DCLRE1C: variants seen among roughly 807,000 people sequenced by gnomAD.
DCLRE1C encodes the protein DNA cross-link repair 1C.
In DCLRE1C, 47 loss-of-function variants were observed where a neutral mutation model predicts 61.4. The ratio of observed to expected loss-of-function variants is 0.77; its 90% CI spans 0.61 to 0.98. The LOEUF (loss-of-function observed/expected upper bound fraction) is 0.98, where lower values mean the gene tolerates loss of function less well. Ranked by LOEUF, DCLRE1C falls within the 50% of genes least tolerant of loss-of-function variation. The pLI, the probability that DCLRE1C is intolerant of heterozygous loss-of-function variation, is 0.00. For synonymous variants in DCLRE1C, 337 were observed against 287.6 expected, an observed-to-expected ratio of 1.17 and a Z score of -1.74; for missense variants, 858 against 816.0, an observed-to-expected ratio of 1.05 and a Z score of -0.63.
exon 14 of DCLRE1C, chr10:14,898,997 G>A (rs1833799196): frequency 1.9e-6 from 1 of 513,208 alleles, no homozygotes; most frequent in Non-Finnish European, 3.5e-6. Flanking sequence ...TATAATGAAA[G>A]TAATGCAGTG....
At chr10:14,918,308 G>A (rs1408672305) in intron 13 of DCLRE1C, among the ~76,000 whole-genome samples, 1 of 152,190 alleles carries the variant, frequency 6.6e-6, no homozygotes, top group Non-Finnish European at 1.5e-5. Context: ...CAATAAAAGA[G>A]GGTGAACTAT....
intron 13 of DCLRE1C, chr10:14,911,392 GA>G (rs1564373446): frequency 6.6e-6 from 1 of 152,154 alleles, no homozygotes; most frequent in Non-Finnish European, 1.5e-5. Flanking sequence ...CCACATGCCA[GA>G]ACAAAGCTCA....
At chr10:14,925,225 T>TAAAAAAA (rs67477083) in intron 11 of DCLRE1C, among the ~76,000 whole-genome samples, 68 of 109,272 alleles carry the variant, frequency 6.2e-4, no homozygotes, top group East Asian at 2.7e-3. Flanking sequence ...ATAAAGGATT[T>TAAAAAAA]AAAAAAAAAA....
intron 1 of DCLRE1C, among the ~76,000 whole-genome samples, chr10:14,953,677 C>T (rs1842781865): frequency 6.6e-6 from 1 of 152,196 alleles, no homozygotes; most frequent in Admixed American, 6.5e-5. Flanking sequence ...TTGACCAAGC[C>T]GGCCCGGGGC....
intron 4 of DCLRE1C, 125 bp from the exon 5 acceptor site, chr10:14,936,718 C>T (rs963026971): frequency 9.7e-5 from 67 of 689,250 alleles, no homozygotes; most frequent in Middle Eastern, 4.8e-4. Flanking sequence ...CTCCCAATTT[C>T]CTCACACTCC....
At chr10:14,913,267 C>T (rs775297406) in intron 13 of DCLRE1C, among the ~76,000 whole-genome samples, 3 of 152,222 alleles carry the variant, frequency 2.0e-5, no homozygotes, top group Non-Finnish European at 2.9e-5. Context: ...TGGAAATAGA[C>T]ATAAAGTTTC....
At chr10:14,902,690 T>C, downstream of DCLRE1C, 1 of 480,888 alleles carries the variant, frequency 2.1e-6, no homozygotes, top group Non-Finnish European at 3.8e-6. Flanking sequence ...TCACTGGGTC[T>C]CATAGACTGA....
chr10:14,928,058 A>G lies in DCLRE1C; in HGVS notation c.875T>C (p.Met292Thr). 2 of 1,613,846 alleles carry G rather than the reference A, an allele frequency of 1.2e-6. No individual in the cohort carries two copies. Among genetic ancestry groups the G allele is most frequent in the Non-Finnish European group, 1.7e-6 (2 of 1,179,882 alleles). The change falls in exon 10 of 14, where the codon ATG becomes ACG. Residue 292 changes from methionine to threonine, a missense_variant. Met to Thr is a moderately conservative substitution (Grantham distance 81, BLOSUM62 -1). Around this residue, in one of 2 missense-constraint regions of DCLRE1C, gnomAD observed 843 missense variants for 783.5 expected, o/e 1.08. Coordinates refer to ENST00000378278, the MANE Select transcript of DCLRE1C (RefSeq NM_001033855.3). ...LHIISIKPST[M>T]WFGERSRKTN... The stretch of plus-strand genomic sequence containing the variant: ...TTTTCTGCTCCTTTCTCCAAACCAC[A>G]TGGTGGATGGCTTAATGCTGATTAT...
intron 4 of DCLRE1C, among the ~76,000 whole-genome samples, chr10:14,939,448 A>G (rs1054829161): frequency 6.6e-6 from 1 of 151,180 alleles, no homozygotes; most frequent in Admixed American, 6.6e-5. Context: ...TGTCTCAAAA[A>G]AAAAAAAGAA....
chr10:14,908,543 A>G lies in DCLRE1C; in HGVS notation c.1944T>C (p.Ser648=), dbSNP rs761424494. ...GAGTTGAGGGAACTTCAAAATCAGA[A>G]GAGCTCTGGGAATCTGCATTTGTGC... is the stretch of plus-strand genomic sequence containing the variant. ...NLSTNADSQS[S]SDFEVPSTPE... is the part of the protein sequence containing the mutation. Residue 648 remains serine (S), a synonymous_variant, in exon 14 of 14, where the codon TCT becomes TCC. Coordinates refer to ENST00000378278, the MANE Select transcript of DCLRE1C (RefSeq NM_001033855.3). 6.2e-6 allele frequency: 10 copies of G among 1,614,060 alleles called. No homozygotes were observed. The South Asian group carries it at 9.9e-5, about 16-fold the overall frequency.
At chr10:14,933,090 A>G (rs748099436) in intron 8 of DCLRE1C, 135 bp from the exon 9 acceptor site, 4 of 958,344 alleles carry the variant, frequency 4.2e-6, no homozygotes, top group Non-Finnish European at 6.5e-6. Context: ...GTTTTTGGCT[A>G]TTCAGTGCAC....
chr10:14,909,902 A>G (rs1564369537), intron 13 of DCLRE1C, among the ~76,000 whole-genome samples: 1 of 152,248 alleles, frequency 6.6e-6, no homozygotes, highest in Non-Finnish European at 1.5e-5. Context: ...CAACGTGTCA[A>G]GAACTTAAAA....
intron 3 of DCLRE1C, among the ~76,000 whole-genome samples, chr10:14,944,356 G>T (rs549380287): frequency 6.6e-6 from 1 of 151,980 alleles, no homozygotes; most frequent in Non-Finnish European, 1.5e-5. Context: ...AATATTAGCC[G>T]GGTATGGTGG....
intron 8 of DCLRE1C, among the ~76,000 whole-genome samples, chr10:14,933,837 T>C (rs554749434): frequency 7.9e-5 from 12 of 152,326 alleles, no homozygotes; most frequent in Non-Finnish European, 1.6e-4. Flanking sequence ...AAGGCTCTTG[T>C]AAGCCATTTT....
chr10:14,922,832 T>C lies in DCLRE1C; in HGVS notation c.1061+149A>G, dbSNP rs1837337982. The C allele has an allele frequency of 4.4e-6, 3 of 675,682 alleles. No homozygotes were observed. The South Asian group carries it at 4.9e-5, about 11-fold the overall frequency. The allele number at this position is 675,682 out of a possible 1,614,324, so 41.9% of individuals were successfully genotyped here. ...CACACTGTGGAACTAAAGGAAACAC[T>C]CCAGGAAAAAATGGAAATGAGTATC... On this transcript the variant is annotated intron_variant, in intron 12 of 13. Coordinates refer to ENST00000378278, the MANE Select transcript of DCLRE1C (RefSeq NM_001033855.3).
intron 2 of DCLRE1C, chr10:14,945,561 T>A (rs1175474721): frequency 9.4e-7 from 1 of 1,066,030 alleles, no homozygotes; most frequent in Non-Finnish European, 1.1e-6. Flanking sequence ...TGTGATCAGG[T>A]GTGTCTGGAA....
At position 14,908,165 on chromosome 10, in the gene DCLRE1C, C is replaced by CTTTTTTTTTTTTTTTTT. The variant is rs750020058; in HGVS notation, c.*226_*242dup. The CTTTTTTTTTTTTTTTTT allele has an allele frequency of 4.0e-5, 8 of 197,852 alleles. 2 individuals are homozygous for CTTTTTTTTTTTTTTTTT. Among genetic ancestry groups the CTTTTTTTTTTTTTTTTT allele is most frequent in the Middle Eastern group, 2.1e-3 (1 of 476 alleles). 12.3% of individuals were successfully genotyped at this position (197,852 alleles called of 1,614,324 possible). ...CAGAGTAGCCCACCACCATGCCTGG[C>CTTTTTTTTTTTTTTTTT]TTTTTTTTTTTTTTTTTTTTTTGTA... On this transcript the variant is annotated 3_prime_UTR_variant, in exon 14 of 14. Coordinates refer to ENST00000378278, the MANE Select transcript of DCLRE1C (RefSeq NM_001033855.3).
At chr10:14,909,474 T>C (rs1834883380) in intron 13 of DCLRE1C, 144 bp from the exon 14 acceptor site, 3 of 734,610 alleles carry the variant, frequency 4.1e-6, no homozygotes, top group Non-Finnish European at 6.6e-6. Flanking sequence ...TGGGATATGC[T>C]GAACAATTTA....
intron 8 of DCLRE1C, 98 bp downstream of exon 8, chr10:14,934,282 C>T (rs573572280): frequency 1.0e-5 from 16 of 1,526,124 alleles, no homozygotes; most frequent in Admixed American, 2.0e-5. Context: ...GAGCCGAGGT[C>T]GCGTCACTAC....
Sources: allele counts gnomAD v4.1 joint callset (sites outside exome capture counted in the v4.1 genomes callset), GRCh38; gene constraint gnomAD v4.1.1; regional missense constraint gnomAD v4.1.1; transcripts MANE v1.5; gene names NCBI Gene and HGNC (gene_info 2026-07-23, HGNC 2026-07-21).